The following SP140 variants were observed in gnomAD, a reference collection of about 807,000 sequenced individuals.
The protein encoded by SP140 is nuclear body protein SP140.
A neutral mutation model predicts 125.0 loss-of-function variants in SP140; 81 were observed. That is an observed-to-expected ratio of 0.65 (90% CI 0.54 to 0.78). SP140 has a LOEUF of 0.78. Among genes scored for constraint, SP140 ranks in the 30% least tolerant of loss-of-function variants. SP140 has a pLI of 0.00. For synonymous variants in SP140, 312 were observed against 354.0 expected, an observed-to-expected ratio of 0.88 and a Z score of 1.33; for missense variants, 858 against 1,037.0, an observed-to-expected ratio of 0.83 and a Z score of 2.37.
intron 1 of SP140, among the ~76,000 whole-genome samples, chr2:230,205,028 A>G (rs1369108204): frequency 2.0e-5 from 3 of 152,240 alleles, no homozygotes; most frequent in Admixed American, 2.0e-4. Flanking sequence ...AACTTTAACA[A>G]TCACATTAAG....
chr2:230,229,487 A>G (rs1220687697), intron 1 of SP140, among the ~76,000 whole-genome samples: 1 of 22,504 alleles, frequency 4.4e-5, no homozygotes, highest in Non-Finnish European at 8.1e-5. Flanking sequence ...TTTTTTTTTG[A>G]GATGGAGTCT....
At position 230,256,130 on chromosome 2, in the gene SP140, C is replaced by T. The variant is rs1055280446; in HGVS notation, c.1240+598C>T. Reference sequence around the variant, plus strand: ...GTCAGTGTGGTGATTCCTCAGGGATCTAGAACTAGAAATACCATTTGACTC... The same window carrying T: ...GTCAGTGTGGTGATTCCTCAGGGATTTAGAACTAGAAATACCATTTGACTC... On this transcript the variant is annotated intron_variant, in intron 12 of 26. Transcript: ENST00000392045. 7.4e-4 allele frequency among the ~76,000 whole-genome samples: 113 copies of T among 152,092 alleles called. 2 individuals are homozygous for T. Among genetic ancestry groups the T allele is most frequent in the African/African-American group, 2.7e-3 (111 of 41,402 alleles).
chr2:230,253,959 GA>G (rs2050764802), intron 11 of SP140, among the ~76,000 whole-genome samples: 1 of 152,086 alleles, frequency 6.6e-6, no homozygotes, highest in Non-Finnish European at 1.5e-5. Context: ...TGAGAGTGAG[GA>G]AAATATATAA....
intron 1 of SP140, among the ~76,000 whole-genome samples, chr2:230,235,313 G>A (rs1021596235): frequency 1.3e-5 from 2 of 152,106 alleles, no homozygotes; most frequent in African/African-American, 2.4e-5. Context: ...CAATAGCAAT[G>A]AGTACCCCTC....
chr2:230,295,121 T>C (rs1241945091), intron 21 of SP140, among the ~76,000 whole-genome samples: 1 of 152,228 alleles, frequency 6.6e-6, no homozygotes, highest in Admixed American at 6.5e-5. Context: ...GCAGTGTATA[T>C]TCAGGACAAG....
rs1553600192 is a variant in SP140 at position 230,288,509 on chromosome 2, CTT to C, written c.1720+545_1720+546del. Among the ~76,000 whole-genome samples the C allele has an allele frequency of 2.6e-5, 3 of 116,118 alleles. No individual in the cohort carries two copies. In the South Asian group the frequency reaches 9.8e-4, roughly 38 times the overall value. The allele number at this position is 116,118 out of a possible 152,430, so 76.2% of individuals were successfully genotyped here. ...TCTTTCTTTCTTTCTTTCTTTCTTTCTTTCTTTCTTTCTTTTTTTATTCTTTA... is the reference window on the plus strand; with the variant it reads ...TCTTTCTTTCTTTCTTTCTTTCTTTCTCTTTCTTTCTTTTTTTATTCTTTA... On this transcript the variant is annotated intron_variant, in intron 18 of 26. Transcript: ENST00000392045.
upstream of SP140, chr2:230,202,814 T>C (rs2043313841): frequency 1.6e-6 from 2 of 1,240,174 alleles, no homozygotes; most frequent in Non-Finnish European, 2.4e-6. Flanking sequence ...TCCCTTCTCA[T>C]GCCCCTAACT....
chr2:230,217,563 G>A (rs1177466606), intron 3 of SP140, among the ~76,000 whole-genome samples: 2 of 152,232 alleles, frequency 1.3e-5, no homozygotes, highest in African/African-American at 4.8e-5. Flanking sequence ...GGTTTCATAT[G>A]CAGTAACTTA....
At chr2:230,229,039 A>G (rs1167123265) in intron 1 of SP140, among the ~76,000 whole-genome samples, 2 of 152,016 alleles carry the variant, frequency 1.3e-5, no homozygotes, top group Admixed American at 6.6e-5. Context: ...TTCTTAGCAT[A>G]TCAATTATAC....
chr2:230,229,611 G>T (rs2046961315), intron 1 of SP140, among the ~76,000 whole-genome samples: 1 of 151,418 alleles, frequency 6.6e-6, no homozygotes, highest in Admixed American at 6.6e-5. Context: ...GGGACTACAG[G>T]CGCCCACCAC....
chr2:230,257,301 A>C (rs184876994), intron 12 of SP140, among the ~76,000 whole-genome samples: 1 of 152,184 alleles, frequency 6.6e-6, no homozygotes, highest in African/African-American at 2.4e-5. Context: ...TATCCAGAAA[A>C]ATAGAGCCAG....
rs759956069 is a variant in SP140 at position 230,237,062 on chromosome 2, C to T, written c.60-21C>T. The T allele has an allele frequency of 7.1e-6, 11 of 1,546,180 alleles. No homozygotes were observed. The Admixed American group carries it at 1.1e-4, about 15-fold the overall frequency. ...CTTGGAAACTCAGTGTCTACTTCCACGTTGTATCTTTGTTTCTTAGGATGG... is the reference window on the plus strand; with the variant it reads ...CTTGGAAACTCAGTGTCTACTTCCATGTTGTATCTTTGTTTCTTAGGATGG... On this transcript the variant is annotated intron_variant, in intron 1 of 26. Coordinates refer to ENST00000392045, the MANE Select transcript of SP140 (RefSeq NM_007237.5). This position sits in a 1 kb window ranked among gnomAD's most constrained non-coding sequence, Gnocchi z 5.4.
intron 1 of SP140, among the ~76,000 whole-genome samples, chr2:230,229,003 C>T (rs2046859841): frequency 6.6e-6 from 1 of 152,158 alleles, no homozygotes; most frequent in Middle Eastern, 3.4e-3. Flanking sequence ...TTTAATTGAG[C>T]ATTTTATGCT....
chr2:230,212,958 T>C lies in SP140; in HGVS notation c.-322-696T>C, dbSNP rs140974206. The C allele has an allele frequency of 4.7e-5, 76 of 1,613,886 alleles. 2 individuals carry two copies. The highest frequency in any genetic ancestry group is 3.4e-4 in the South Asian group (31 of 91,078). Reference sequence around the variant, plus strand: ...CAGTGGGGTATGGAGGGAGCTTCCTTCTGCTAGGCCAGTTGGGGCTTCAAG... The same window carrying C: ...CAGTGGGGTATGGAGGGAGCTTCCTCCTGCTAGGCCAGTTGGGGCTTCAAG... On this transcript the variant is annotated intron_variant, in intron 1 of 4. Transcript: ENST00000456542.
intron 9 of SP140, among the ~76,000 whole-genome samples, chr2:230,249,776 G>A (rs1038472959): frequency 6.6e-6 from 1 of 152,158 alleles, no homozygotes; most frequent in African/African-American, 2.4e-5. Context: ...GGGGCAGGTC[G>A]AGGGCCTATG....
At chr2:230,247,238 A>G (rs2049593640) in intron 7 of SP140, among the ~76,000 whole-genome samples, 1 of 152,204 alleles carries the variant, frequency 6.6e-6, no homozygotes, top group African/African-American at 2.4e-5. Context: ...CTCCATTTGG[A>G]TGTTTTTCAG....
rs184979279 is a variant in SP140 at position 230,297,986 on chromosome 2, C to A, written c.2058+524C>A. 2.3e-3 allele frequency among the ~76,000 whole-genome samples: 352 copies of A among 152,288 alleles called. 1 individual carries two copies. The highest frequency in any genetic ancestry group is 3.7e-3 in the Non-Finnish European group (249 of 68,028). On this transcript the variant is annotated intron_variant, in intron 22 of 26. Transcript: ENST00000392045. ...CTGTCATTAGCCCTGTAAAGGAGTA[C>A]ATACAAGGCAAGGGGTCCTTTACAG... is the stretch of plus-strand genomic sequence containing the variant.
intron 3 of SP140, chr2:230,238,813 C>A: frequency 6.4e-7 from 1 of 1,555,220 alleles, no homozygotes; most frequent in East Asian, 2.4e-5. Flanking sequence ...CAAACAAAGA[C>A]TGGAGAAGTC....
upstream of SP140, among the ~76,000 whole-genome samples, chr2:230,222,695 C>CAA (rs34703280): frequency 6.4e-5 from 8 of 124,216 alleles, no homozygotes; most frequent in African/African-American, 1.8e-4. Context: ...GACCCTGTCT[C>CAA]AAAAAAAAAA....
Sources: gnomAD v4.1 joint callset for allele counts (sites outside exome capture counted in the v4.1 genomes callset) on GRCh38, gnomAD v4.1.1 for gene constraint, Gnocchi (gnomAD v3.1) non-coding constraint, MANE v1.5 for transcripts, NCBI Gene and HGNC (gene_info 2026-07-23, HGNC 2026-07-21) for gene names.